Variants in PXDNL observed in about 807,000 individuals in gnomAD.
The protein encoded by PXDNL is probable oxidoreductase PXDNL.
PXDNL carries 145 observed loss-of-function variants against 150.8 expected under a neutral mutation model. The ratio of observed to expected loss-of-function variants is 0.96; its 90% confidence interval spans 0.84 to 1.10. PXDNL has a LOEUF of 1.10. PXDNL is among the 50% of genes least tolerant of loss of function. The probability of loss-of-function intolerance (pLI) is 0.00; values close to 1 mark genes in which losing one functional copy is unlikely to be tolerated. For missense variants in PXDNL, 2,087 were observed against 1,873.9 expected, an observed-to-expected ratio of 1.11 and a Z score of -2.10; for synonymous variants, 757 against 725.7, an observed-to-expected ratio of 1.04 and a Z score of -0.69.
At chr8:51,756,334 G>A (rs1462111117) in intron 1 of PXDNL, among the ~76,000 whole-genome samples, 1 of 151,072 alleles carries the variant, frequency 6.6e-6, no homozygotes, top group Non-Finnish European at 1.5e-5. Flanking sequence ...AGAAGTTGCA[G>A]TGAGTCCAGA....
At chr8:51,726,802 AT>A (rs1816825083) in intron 1 of PXDNL, among the ~76,000 whole-genome samples, 1 of 152,220 alleles carries the variant, frequency 6.6e-6, no homozygotes, top group Non-Finnish European at 1.5e-5. Context: ...TTTGAAAAAA[AT>A]AACCTACTAT....
chr8:51,386,153 C>T (rs558834646), intron 17 of PXDNL, among the ~76,000 whole-genome samples: 173 of 151,820 alleles, frequency 1.1e-3, no homozygotes, highest in African/African-American at 3.7e-3. Flanking sequence ...AGTGCAGTGG[C>T]GTGATCTCAG....
intron 1 of PXDNL, among the ~76,000 whole-genome samples, chr8:51,696,987 A>T: frequency 6.6e-6 from 1 of 152,212 alleles, no homozygotes; most frequent in Non-Finnish European, 1.5e-5. Context: ...AGGTGAAGAA[A>T]GCTTTTTAGA....
intron 21 of PXDNL, among the ~76,000 whole-genome samples, chr8:51,333,447 A>T (rs927148481): frequency 1.2e-4 from 18 of 152,332 alleles, no homozygotes; most frequent in Admixed American, 5.2e-4. Context: ...AGCAAAAAAC[A>T]AAGTATGCAG....
intron 3 of PXDNL, among the ~76,000 whole-genome samples, chr8:51,581,061 A>T (rs1813200952): frequency 6.6e-6 from 1 of 152,112 alleles, no homozygotes; most frequent in South Asian, 2.1e-4. Flanking sequence ...TGATTAGGAG[A>T]ACTGGTCTTG....
At chr8:51,347,460 T>C (rs1806192733) in intron 19 of PXDNL, among the ~76,000 whole-genome samples, 1 of 152,218 alleles carries the variant, frequency 6.6e-6, no homozygotes, top group South Asian at 2.1e-4. Flanking sequence ...ATCCCAAAAT[T>C]ACCACAGTGA....
intron 2 of PXDNL, among the ~76,000 whole-genome samples, chr8:51,636,418 C>T (rs1272212529): frequency 6.6e-6 from 1 of 152,120 alleles, no homozygotes; most frequent in Non-Finnish European, 1.5e-5. Context: ...TCTCTATTCA[C>T]AGATGGCATA....
intron 1 of PXDNL, among the ~76,000 whole-genome samples, chr8:51,729,090 C>T (rs1816871515): frequency 6.6e-6 from 1 of 152,154 alleles, no homozygotes; most frequent in Non-Finnish European, 1.5e-5. Flanking sequence ...AGGTTTGTAG[C>T]CTGAGAGCAC....
chr8:51,678,788 A>G (rs1262957383), intron 1 of PXDNL, among the ~76,000 whole-genome samples: 1 of 152,198 alleles, frequency 6.6e-6, no homozygotes, highest in East Asian at 1.9e-4. Flanking sequence ...TAATGGGTGC[A>G]GCACACCAGC....
chr8:51,391,227 C>T (rs891928018), intron 17 of PXDNL, among the ~76,000 whole-genome samples: 68 of 152,210 alleles, frequency 4.5e-4, no homozygotes, highest in Middle Eastern at 3.4e-3. Context: ...TTTATAGCAG[C>T]ATGATTTATA....
In PXDNL at chr8:51,319,974, GAC is replaced by G; in HGVS notation, c.4307_4308del (p.Cys1436SerfsTer4). 6.3e-7 allele frequency: 1 copy of G among 1,576,722 alleles called. No homozygotes were observed. Among genetic ancestry groups the G allele is most frequent in the Non-Finnish European group, 8.6e-7 (1 of 1,161,954 alleles). On this transcript the variant is annotated frameshift_variant, in exon 23 of 23. Transcript: ENST00000356297. LOFTEE classifies it low-confidence loss of function (END_TRUNC). ...CVVEICPPAP[C>X]PSPELVKGTC... ...GTTCCTTTCACCAATTCAGGACTGG[GAC>G]AGGGAGCCGGGGGACAAATCTCCAC...
intron 3 of PXDNL, among the ~76,000 whole-genome samples, chr8:51,563,422 C>G (rs1481258324): frequency 6.6e-6 from 1 of 151,938 alleles, no homozygotes. Context: ...ACACTCATGA[C>G]CTCACCTAAA....
chr8:51,715,887 C>T (rs1563516171), intron 1 of PXDNL, among the ~76,000 whole-genome samples: 1 of 151,696 alleles, frequency 6.6e-6, no homozygotes, highest in African/African-American at 2.4e-5. Context: ...AATGACATTA[C>T]CTGAAAGTTC....
At chr8:51,794,108 A>G (rs1377678458) in intron 1 of PXDNL, among the ~76,000 whole-genome samples, 1 of 152,050 alleles carries the variant, frequency 6.6e-6, no homozygotes, top group Non-Finnish European at 1.5e-5. Context: ...ACAGGCAGAC[A>G]AGATTAGAGA....
chr8:51,694,083 AGCCTAGTATCCTGCGGAAAAAT>A (rs1362743115), intron 1 of PXDNL, among the ~76,000 whole-genome samples: 1 of 152,212 alleles, frequency 6.6e-6, no homozygotes, highest in African/African-American at 2.4e-5. Context: ...AACATGTGTT[AGCCTAGTATCCTGCGGAAAAAT>A]GCTTCACCAT....
intron 4 of PXDNL, among the ~76,000 whole-genome samples, chr8:51,512,779 G>A (rs181430275): frequency 1.9e-3 from 288 of 152,244 alleles, no homozygotes; most frequent in African/African-American, 5.2e-3. Context: ...TCACAATCAC[G>A]TGACTCTTGA....
At chr8:51,419,400 A>G (rs1808887841) in intron 14 of PXDNL, among the ~76,000 whole-genome samples, 2 of 152,202 alleles carry the variant, frequency 1.3e-5, no homozygotes, top group Admixed American at 6.5e-5. Flanking sequence ...TTTCATAACT[A>G]TTGTTTGAAT....
intron 3 of PXDNL, among the ~76,000 whole-genome samples, chr8:51,576,191 A>T (rs1442310454): frequency 1.4e-5 from 2 of 142,804 alleles, no homozygotes; most frequent in Non-Finnish European, 3.0e-5. Flanking sequence ...TTATTAGAAC[A>T]CTGCTCCAAA....
At chr8:51,608,018 A>AAAGAAAG (rs1813886716) in intron 2 of PXDNL, among the ~76,000 whole-genome samples, 1 of 65,638 alleles carries the variant, frequency 1.5e-5, no homozygotes, top group African/African-American at 8.3e-5. Context: ...AGAAAGAAAG[A>AAAGAAAG]AAGAAAGAAA....
Sources: allele counts gnomAD v4.1 joint callset (sites outside exome capture counted in the v4.1 genomes callset), GRCh38; gene constraint gnomAD v4.1.1; transcripts MANE v1.5; gene names NCBI Gene and HGNC (gene_info 2026-07-23, HGNC 2026-07-21).